The following CFAP44 variants were observed in gnomAD, a reference collection of about 807,000 sequenced individuals.
CFAP44 encodes the protein cilia- and flagella-associated protein 44.
CFAP44 carries 134 observed loss-of-function variants against 216.2 expected under a neutral mutation model. That is an observed-to-expected ratio of 0.62 (90% CI 0.54 to 0.72). The LOEUF (loss-of-function observed/expected upper bound fraction) is 0.72, where lower values mean the gene tolerates loss of function less well. Among genes scored for constraint, CFAP44 ranks in the 30% least tolerant of loss-of-function variants. CFAP44 has a pLI of 0.00. For synonymous variants in CFAP44, 700 were observed against 727.6 expected (o/e 0.96, Z 0.61); for missense variants, 2,035 against 2,182.1 (o/e 0.93, Z 1.34).
intron 28 of CFAP44, among the ~76,000 whole-genome samples, chr3:113,317,746 C>T (rs1171409709): frequency 6.6e-6 from 1 of 152,212 alleles, no homozygotes; most frequent in East Asian, 1.9e-4. Context: ...TGCATGAGTT[C>T]CTGGGCTGGG....
At chr3:113,330,860 A>G (rs1216028420) in intron 25 of CFAP44, among the ~76,000 whole-genome samples, 192 bp from the exon 26 acceptor site, 1 of 152,116 alleles carries the variant, frequency 6.6e-6, no homozygotes, top group Admixed American at 6.5e-5. Context: ...AGGCCCTCCA[A>G]GATGGAAGGA....
chr3:113,343,591 T>C (rs1357253072), intron 23 of CFAP44, among the ~76,000 whole-genome samples: 1 of 152,080 alleles, frequency 6.6e-6, no homozygotes, highest in Non-Finnish European at 1.5e-5. Flanking sequence ...TCCCCAAGAA[T>C]TGGTAGAATT....
chr3:113,431,590 T>C (rs1935107065), intron 2 of CFAP44, among the ~76,000 whole-genome samples: 1 of 152,072 alleles, frequency 6.6e-6, no homozygotes, highest in African/African-American at 2.4e-5. Context: ...TGGAAAGAAC[T>C]CTAGTGGTGG....
intron 30 of CFAP44, 132 bp from the exon 31 acceptor site, chr3:113,305,284 A>G: frequency 1.4e-6 from 1 of 730,816 alleles, no homozygotes; most frequent in Admixed American, 2.6e-5. Context: ...GATTAAGTGC[A>G]TGATCCCAGT....
intron 15 of CFAP44, among the ~76,000 whole-genome samples, chr3:113,388,049 T>C (rs527441059): frequency 6.8e-4 from 103 of 152,094 alleles, no homozygotes; most frequent in African/African-American, 2.4e-3. Context: ...CCAGGCAAAT[T>C]CCTAAGGTTT....
In CFAP44 at chr3:113,310,785, T is replaced by G. The variant is rs982919443; in HGVS notation, c.4517-2517A>C. Among the ~76,000 whole-genome samples, 3 of 152,252 alleles carry G rather than the reference T, an allele frequency of 2.0e-5. No homozygotes were observed. In the South Asian group the frequency reaches 6.2e-4, roughly 32 times the overall value. Reference sequence around the variant, plus strand: ...CTCATGATAGTGAGTGAGGGAGTCATCATGAGAGCTGGTTGTTTTAAAAGT... The same window carrying G: ...CTCATGATAGTGAGTGAGGGAGTCAGCATGAGAGCTGGTTGTTTTAAAAGT... On this transcript the variant is annotated intron_variant, in intron 28 of 34. Coordinates refer to ENST00000393845, the MANE Select transcript of CFAP44 (RefSeq NM_001164496.2).
At chr3:113,406,849 G>C in intron 8 of CFAP44, 78 bp downstream of exon 8, 1 of 944,862 alleles carries the variant, frequency 1.1e-6, no homozygotes, top group South Asian at 1.7e-5. Flanking sequence ...GAGCTTGTTA[G>C]AATTTTCATA....
chr3:113,366,259 A>C lies in CFAP44; in HGVS notation c.2495T>G (p.Val832Gly). 1 of 1,612,312 alleles carries C rather than the reference A, an allele frequency of 6.2e-7. No homozygotes were observed. The highest frequency in any genetic ancestry group is 8.5e-7 in the Non-Finnish European group (1 of 1,178,760). ...FCGMKNGAIR[V>G]YVLNQNDPSL... is the part of the protein sequence containing the mutation. ...AGGATCATTTTGATTTAGGACATAG[A>C]CTCGAATTGCTCCATTTTTCATTCC... Residue 832 changes from valine to glycine, a missense_variant, in exon 19 of 35, where the codon GTC (valine) becomes GGC (glycine). Val to Gly is a moderately radical substitution (Grantham distance 109). Transcript: ENST00000393845.
At chr3:113,299,508 T>G (rs1949914396) in intron 32 of CFAP44, among the ~76,000 whole-genome samples, 1 of 151,990 alleles carries the variant, frequency 6.6e-6, no homozygotes, top group Admixed American at 6.6e-5. Flanking sequence ...GTTTGGAGAT[T>G]CCCCAAAACA....
intron 4 of CFAP44, among the ~76,000 whole-genome samples, chr3:113,424,941 C>T (rs984876090): frequency 2.0e-5 from 3 of 152,156 alleles, no homozygotes; most frequent in Admixed American, 1.3e-4. Flanking sequence ...ATTCCCAAGT[C>T]CCTCTCCACA....
At chr3:113,363,679 T>A in intron 19 of CFAP44, 147 bp from the exon 20 acceptor site, 1 of 708,904 alleles carries the variant, frequency 1.4e-6, no homozygotes, top group Middle Eastern at 4.3e-4. Context: ...AAAATCAGTT[T>A]CACAAAAATC....
intron 24 of CFAP44, among the ~76,000 whole-genome samples, chr3:113,335,088 G>GAGGGA (rs1454598736): frequency 6.6e-6 from 1 of 152,174 alleles, no homozygotes; most frequent in East Asian, 1.9e-4. Flanking sequence ...AAGAAAAAGG[G>GAGGGA]AGGGAAGGGA....
chr3:113,342,800 T>C (rs1345446344), intron 23 of CFAP44, among the ~76,000 whole-genome samples: 1 of 151,128 alleles, frequency 6.6e-6, no homozygotes, highest in Non-Finnish European at 1.5e-5. Context: ...AAGACCAGCC[T>C]GGGCATGGTG....
rs1404154988 is a variant in CFAP44 at position 113,441,128 on chromosome 3, T to G, written c.-6+325A>C. Among the ~76,000 whole-genome samples the G allele has an allele frequency of 5.0e-4, 76 of 152,324 alleles. 1 individual carries two copies. Among genetic ancestry groups the G allele is most frequent in the African/African-American group, 1.6e-3 (66 of 41,584 alleles). On this transcript the variant is annotated intron_variant, in intron 1 of 34. Coordinates refer to ENST00000393845, the MANE Select transcript of CFAP44 (RefSeq NM_001164496.2). ...CCCAGCTGAGCGCAGGGCAGGTGTCTCACTGGAGCGGGGAGCCCCAGCACC... is the reference window on the plus strand; with the variant it reads ...CCCAGCTGAGCGCAGGGCAGGTGTCGCACTGGAGCGGGGAGCCCCAGCACC...
At chr3:113,435,230 G>T (rs1045510674) in intron 1 of CFAP44, among the ~76,000 whole-genome samples, 7 of 152,128 alleles carry the variant, frequency 4.6e-5, no homozygotes, top group Admixed American at 1.3e-4. Flanking sequence ...AGGCATACCT[G>T]AGAATGGGTA....
intron 28 of CFAP44, among the ~76,000 whole-genome samples, chr3:113,320,519 T>TTAATGAAGTTATATATATATATATA (rs1950136027): frequency 7.0e-6 from 1 of 143,802 alleles, no homozygotes; most frequent in Non-Finnish European, 1.5e-5. Context: ...TATACAGTAC[T>TTAATGAAGTTATATATATATATATA]TAATGAAGTT....
At chr3:113,425,939 CTTG>C in intron 4 of CFAP44, 182 bp downstream of exon 4, 2 of 650,176 alleles carry the variant, frequency 3.1e-6, no homozygotes, top group Non-Finnish European at 5.1e-6. Flanking sequence ...TATCCCTGTC[CTTG>C]TTGTGTGATG....
chr3:113,363,368 A>C, intron 20 of CFAP44, 61 bp from the exon 21 acceptor site: 1 of 1,571,736 alleles, frequency 6.4e-7, no homozygotes, highest in African/African-American at 1.4e-5. Flanking sequence ...AGAAAGAGAA[A>C]ATTAGTATTC....
intron 33 of CFAP44, among the ~76,000 whole-genome samples, chr3:113,295,656 T>G (rs1949872925): frequency 6.6e-6 from 1 of 152,248 alleles, no homozygotes; most frequent in African/African-American, 2.4e-5. Flanking sequence ...AAAATCTTTG[T>G]GAAAGCTCCT....
Sources: gnomAD v4.1 joint callset for allele counts (sites outside exome capture counted in the v4.1 genomes callset) on GRCh38, gnomAD v4.1.1 for gene constraint, MANE v1.5 for transcripts, NCBI Gene and HGNC (gene_info 2026-07-23, HGNC 2026-07-21) for gene names.